SLC39A11: variants seen among roughly 807,000 people sequenced by gnomAD.
The protein encoded by SLC39A11 is solute carrier family 39 member 11.
Under a neutral mutation model 36.1 loss-of-function variants are expected in SLC39A11, and 33 were observed. The observed-to-expected ratio is 0.91, with a 90% CI of 0.69 to 1.22. The LOEUF is 1.22. Ranked by LOEUF, SLC39A11 falls within the 50% of genes most tolerant of loss-of-function variation. The probability of loss-of-function intolerance (pLI) is 0.00; values close to 1 mark genes in which losing one functional copy is unlikely to be tolerated. For synonymous variants in SLC39A11, 166 were observed against 170.3 expected (o/e 0.97, Z 0.20); for missense variants, 432 against 430.3 (o/e 1.00, Z -0.03).
At chr17:72,992,057 T>A (rs779381986) in intron 4 of SLC39A11, among the ~76,000 whole-genome samples, 38 of 152,072 alleles carry the variant, frequency 2.5e-4, no homozygotes, top group Non-Finnish European at 4.4e-4. Flanking sequence ...AAGGTGAGAA[T>A]TTAAATCGCA....
At chr17:72,668,653 A>G (rs1454165769) in intron 7 of SLC39A11, among the ~76,000 whole-genome samples, 1 of 152,240 alleles carries the variant, frequency 6.6e-6, no homozygotes, top group Non-Finnish European at 1.5e-5. Flanking sequence ...AGGAAGGAGA[A>G]AAGTTGGGAC....
chr17:72,828,844 G>C (rs1006502187), intron 6 of SLC39A11, among the ~76,000 whole-genome samples: 15 of 152,146 alleles, frequency 9.9e-5, no homozygotes, highest in Non-Finnish European at 2.2e-4. Context: ...CTCCCACCCT[G>C]GTGGGCTCTG....
intron 4 of SLC39A11, among the ~76,000 whole-genome samples, chr17:72,985,860 G>A (rs565110371): frequency 7.9e-5 from 12 of 152,270 alleles, no homozygotes; most frequent in Middle Eastern, 3.4e-3. Context: ...GTAAATGATC[G>A]AGGTAAGATA....
At chr17:73,070,997 G>A (rs1488295438) in intron 3 of SLC39A11, among the ~76,000 whole-genome samples, 2 of 152,062 alleles carry the variant, frequency 1.3e-5, no homozygotes, top group African/African-American at 4.8e-5. Context: ...CTTATCCTAG[G>A]GTCCCTCCAC....
chr17:73,084,368 G>A (rs1006689144), intron 3 of SLC39A11, among the ~76,000 whole-genome samples: 1 of 128,692 alleles, frequency 7.8e-6, no homozygotes, highest in Non-Finnish European at 1.6e-5. Flanking sequence ...GTCCAGAGAA[G>A]TTGAAGCTGC....
In SLC39A11 at chr17:73,073,225, T is replaced by C. The variant is rs534964060; in HGVS notation, c.147+11583A>G. Among the ~76,000 whole-genome samples, 20 of 152,282 alleles carry C rather than the reference T, an allele frequency of 1.3e-4. No homozygotes were observed. In the South Asian group the frequency reaches 2.1e-3, roughly 16 times the overall value. On this transcript the variant is annotated intron_variant, in intron 3 of 9. Transcript: ENST00000255559. ...TGCCAACTCCTCATCACATAAACTC[T>C]AAGGGTCCCAATACCCCAATTATGA...
At chr17:73,087,760 A>G (rs1306945914) in intron 2 of SLC39A11, among the ~76,000 whole-genome samples, 1 of 152,068 alleles carries the variant, frequency 6.6e-6, no homozygotes, top group Non-Finnish European at 1.5e-5. Flanking sequence ...TGGGAGTAGG[A>G]TACAAGGAAG....
chr17:72,961,711 G>A (rs907644115), intron 4 of SLC39A11, among the ~76,000 whole-genome samples: 3 of 151,952 alleles, frequency 2.0e-5, no homozygotes, highest in Non-Finnish European at 4.4e-5. Flanking sequence ...ACACGGGGCG[G>A]GGAACATCAC....
At chr17:72,782,104 A>C (rs1378642560) in intron 6 of SLC39A11, among the ~76,000 whole-genome samples, 1 of 152,156 alleles carries the variant, frequency 6.6e-6, no homozygotes, top group Non-Finnish European at 1.5e-5. Flanking sequence ...CTGCATCAGG[A>C]TGGACCTTAA....
intron 4 of SLC39A11, among the ~76,000 whole-genome samples, chr17:73,029,579 A>C (rs1225113973): frequency 2.7e-5 from 4 of 150,012 alleles, no homozygotes; most frequent in East Asian, 3.9e-4. Flanking sequence ...AGACACGGCC[A>C]CTCAATCTTT....
At chr17:73,036,902 G>A (rs1022937264) in intron 3 of SLC39A11, among the ~76,000 whole-genome samples, 8 of 151,946 alleles carry the variant, frequency 5.3e-5, no homozygotes, top group Admixed American at 1.3e-4. Flanking sequence ...CTCCTTCCCC[G>A]CTATTCCCTG....
chr17:72,881,875 G>T (rs2081209319), intron 5 of SLC39A11, among the ~76,000 whole-genome samples: 1 of 152,210 alleles, frequency 6.6e-6, no homozygotes, highest in Non-Finnish European at 1.5e-5. Context: ...GGCAGCCACA[G>T]ATCAGGCTTA....
At chr17:72,657,882 A>G (rs1361544778) in intron 7 of SLC39A11, among the ~76,000 whole-genome samples, 1 of 152,244 alleles carries the variant, frequency 6.6e-6, no homozygotes, top group Non-Finnish European at 1.5e-5. Flanking sequence ...CCTTGGATCT[A>G]CTGCCCTCTA....
At chr17:72,652,593 G>C (rs909589293) in intron 7 of SLC39A11, among the ~76,000 whole-genome samples, 13 of 152,284 alleles carry the variant, frequency 8.5e-5, no homozygotes, top group African/African-American at 2.9e-4. Context: ...TGAAATAACA[G>C]AGACAGGGAC....
At chr17:72,754,020 GTATATA>G (rs58028460) in intron 6 of SLC39A11, among the ~76,000 whole-genome samples, 7,528 of 107,940 alleles carry the variant, frequency 0.07, 374 homozygotes, top group East Asian at 0.19. Context: ...ATGTATATAT[GTATATA>G]TATATATATA....
rs150013577 is a variant in SLC39A11 at position 72,826,663 on chromosome 17, A to G, written c.601+22971T>C. On this transcript the variant is annotated intron_variant, in intron 6 of 9. Transcript: ENST00000255559. ...AGAAAGATTCCTTAAGCTTGATTGG[A>G]TATACATGGCGATCGTAACCCCCAA... 2.0e-4 allele frequency among the ~76,000 whole-genome samples: 31 copies of G among 152,296 alleles called. No individual in the cohort carries two copies. In the East Asian group the frequency reaches 5.4e-3, roughly 27 times the overall value.
In SLC39A11 at chr17:73,063,987, G is replaced by A. The variant is rs574342656; in HGVS notation, c.147+20821C>T. Among the ~76,000 whole-genome samples, 10 of 152,094 alleles carry A rather than the reference G, an allele frequency of 6.6e-5. 1 individual carries two copies. In the East Asian group the frequency reaches 1.7e-3, roughly 26 times the overall value. On this transcript the variant is annotated intron_variant, in intron 3 of 9. Transcript: ENST00000255559. Reference sequence around the variant, plus strand: ...TATCTAATTTTTCCACACTCCTGGAGAACTAACTCATTTAGCTCCAGGGCT... The same window carrying A: ...TATCTAATTTTTCCACACTCCTGGAAAACTAACTCATTTAGCTCCAGGGCT...
intron 7 of SLC39A11, among the ~76,000 whole-genome samples, chr17:72,655,246 C>T (rs1209927091): frequency 6.6e-6 from 1 of 152,260 alleles, no homozygotes; most frequent in Non-Finnish European, 1.5e-5. Flanking sequence ...CAGGCCCATC[C>T]AAGTTCCCTC....
rs1479465101 is a variant in SLC39A11 at position 72,739,105 on chromosome 17, T to A, written c.602-2386A>T. Among the ~76,000 whole-genome samples the A allele has an allele frequency of 2.0e-5, 3 of 151,498 alleles. No homozygotes were observed. In the East Asian group the frequency reaches 5.8e-4, roughly 29 times the overall value. ...CCTGATGGGATAGCTGTGATCACTG[T>A]AAGCTGCAGGTTGAGAATTTCGGAT... On this transcript the variant is annotated intron_variant, in intron 6 of 9. Transcript: ENST00000255559.
Sources: gnomAD v4.1 joint callset for allele counts (sites outside exome capture counted in the v4.1 genomes callset) on GRCh38, gnomAD v4.1.1 for gene constraint, MANE v1.5 for transcripts, NCBI Gene and HGNC (gene_info 2026-07-23, HGNC 2026-07-21) for gene names.